The following NVL variants were observed in gnomAD, a reference collection of about 807,000 sequenced individuals.
NVL encodes the protein nuclear valosin-containing protein-like.
In NVL, 84 loss-of-function variants were observed where a neutral mutation model predicts 110.2. The observed-to-expected ratio is 0.76, with a 90% confidence interval of 0.64 to 0.91. The LOEUF is 0.91. NVL is among the 40% of genes least tolerant of loss of function. The pLI, the probability that NVL is intolerant of heterozygous loss-of-function variation, is 0.00. For missense variants in NVL, 882 were observed against 1,035.9 expected, an observed-to-expected ratio of 0.85 and a Z score of 2.04; for synonymous variants, 354 against 361.1, an observed-to-expected ratio of 0.98 and a Z score of 0.22.
At chr1:224,266,482 C>A (rs376806086) in intron 18 of NVL, among the ~76,000 whole-genome samples, 1 of 152,218 alleles carries the variant, frequency 6.6e-6, no homozygotes, top group Non-Finnish European at 1.5e-5. Flanking sequence ...TCTACCCTTT[C>A]GCCTTGGGGT....
chr1:224,268,278 C>CA (rs1236809591), intron 17 of NVL, 145 bp from the exon 18 acceptor site: 5 of 609,720 alleles, frequency 8.2e-6, no homozygotes, highest in African/African-American at 1.9e-5. Context: ...AGACACTGTG[C>CA]AAAATGTGTT....
rs1194466884 is a variant in NVL, at chr1:224,304,822, A to T, written c.749-10T>A. 14 of 1,610,322 alleles carry T rather than the reference A, an allele frequency of 8.7e-6. No homozygotes were observed. The highest frequency in any genetic ancestry group is 2.7e-5 in the African/African-American group (2 of 74,878). ...AACCCCCTGGCTTTAGCTGGTAAAC[A>T]AAAATGAGGAGATGAAAAGATTAAT... On this transcript the variant is annotated splice_polypyrimidine_tract_variant and intron_variant, in intron 7 of 22. Transcript: ENST00000281701.
intron 17 of NVL, among the ~76,000 whole-genome samples, chr1:224,274,701 T>G (rs1665573887): frequency 6.6e-6 from 1 of 152,180 alleles, no homozygotes; most frequent in South Asian, 2.1e-4. Context: ...AGGTTATATA[T>G]TTATTGTTTA....
intron 18 of NVL, among the ~76,000 whole-genome samples, chr1:224,253,912 T>C (rs1472681888): frequency 6.6e-6 from 1 of 152,186 alleles, no homozygotes; most frequent in African/African-American, 2.4e-5. Context: ...GTGCTTACTG[T>C]GGCTTTAATT....
intron 14 of NVL, 48 bp downstream of exon 14, chr1:224,287,727 T>G: frequency 4.0e-6 from 6 of 1,502,722 alleles, no homozygotes; most frequent in Non-Finnish European, 5.5e-6. Flanking sequence ...TTATCTCTGG[T>G]CTTTAATCCA....
intron 15 of NVL, among the ~76,000 whole-genome samples, 193 bp from the exon 16 acceptor site, chr1:224,281,378 G>A (rs1666311044): frequency 6.6e-6 from 1 of 151,518 alleles, no homozygotes; most frequent in Non-Finnish European, 1.5e-5. Flanking sequence ...TCGGCTCACT[G>A]CAAACTCTGC....
intron 19 of NVL, among the ~76,000 whole-genome samples, chr1:224,237,961 C>CAAA (rs200152434): frequency 1.4e-4 from 19 of 135,682 alleles, no homozygotes; most frequent in African/African-American, 4.4e-4. Flanking sequence ...GACTTGGTTT[C>CAAA]AAAAAAAAAA....
intron 19 of NVL, among the ~76,000 whole-genome samples, chr1:224,249,315 G>T (rs1349181110): frequency 3.9e-5 from 6 of 152,100 alleles, no homozygotes; most frequent in Non-Finnish European, 7.4e-5. Flanking sequence ...TGTAGAGATG[G>T]GGTTTCCCCA....
At position 224,325,434 on chromosome 1, in the gene NVL, TA is replaced by T. The variant is rs765287623; in HGVS notation, c.131+956del. 8.9e-3 allele frequency among the ~76,000 whole-genome samples: 1,199 copies of T among 134,096 alleles called. 8 individuals carry two copies. The highest frequency in any genetic ancestry group is 0.022 in the African/African-American group (819 of 36,464). The allele number at this position is 134,096 out of a possible 152,430, so 88.0% of individuals were successfully genotyped here. A position where few individuals can be genotyped will look rare whatever the true frequency, so the allele number is the denominator to read the frequency against. On this transcript the variant is annotated intron_variant, in intron 2 of 22. Transcript: ENST00000281701. Reference sequence around the variant, plus strand: ...AAAAAATAAAAATAAAAACTGTATTTAAAAAAAAAAAAAAAGAGGCTGGGCG... The same window carrying T: ...AAAAAATAAAAATAAAAACTGTATTTAAAAAAAAAAAAAAGAGGCTGGGCG...
intron 1 of NVL, among the ~76,000 whole-genome samples, chr1:224,326,707 G>C (rs1252499205): frequency 6.6e-6 from 1 of 152,138 alleles, no homozygotes; most frequent in Non-Finnish European, 1.5e-5. Flanking sequence ...AAGGCAGTAA[G>C]TGAGGGCTTA....
intron 18 of NVL, among the ~76,000 whole-genome samples, chr1:224,264,431 A>G (rs1664290407): frequency 1.3e-5 from 2 of 151,934 alleles, no homozygotes; most frequent in South Asian, 4.2e-4. Flanking sequence ...TATTATTAGT[A>G]GAGATGGAGC....
chr1:224,274,505 CG>C (rs1188865076), intron 17 of NVL, among the ~76,000 whole-genome samples: 2 of 151,484 alleles, frequency 1.3e-5, no homozygotes, highest in Non-Finnish European at 2.9e-5. Context: ...GGCATGGTGG[CG>C]GGTGCCTGTA....
Position 224,289,521 on chromosome 1 carries a change from T to A in NVL, c.1538A>T (p.Glu513Val). 1.2e-6 allele frequency: 2 copies of A among 1,614,266 alleles called. No homozygotes were observed. The highest frequency in any genetic ancestry group is 1.7e-6 in the Non-Finnish European group (2 of 1,180,040). The change falls in exon 13 of 23, where the codon GAG becomes GTG. Residue 513 changes from glutamate (E) to valine (V), a missense_variant. Coordinates refer to ENST00000281701, the MANE Select transcript of NVL (RefSeq NM_002533.4). ...MEDLPSKGVQ[E>V]ERLGTEPTSE... ...AGTGGGCTCAGTTCCCAGCCTTTCC[T>A]CCTGGACTCCTTTAGATGGCAAATC... is the stretch of plus-strand genomic sequence containing the variant.
chr1:224,301,376 G>A lies in NVL; in HGVS notation c.961-713C>T, dbSNP rs181956181. Among the ~76,000 whole-genome samples the A allele has an allele frequency of 2.0e-3, 306 of 152,106 alleles. 1 individual carries two copies. Among genetic ancestry groups the A allele is most frequent in the African/African-American group, 5.9e-3 (246 of 41,514 alleles). ...CAATTCAGCCTCCCAAAGTGCTGGGGATACAGGAGTGACCATTCCTGGCCT... is the reference window on the plus strand; with the variant it reads ...CAATTCAGCCTCCCAAAGTGCTGGGAATACAGGAGTGACCATTCCTGGCCT... On this transcript the variant is annotated intron_variant, in intron 9 of 22. Coordinates refer to ENST00000281701, the MANE Select transcript of NVL (RefSeq NM_002533.4).
intron 17 of NVL, among the ~76,000 whole-genome samples, chr1:224,274,035 A>AACACACACACACACACACACACAC (rs1224878158): frequency 2.4e-4 from 35 of 145,648 alleles, no homozygotes; most frequent in Admixed American, 3.5e-4. Context: ...ATGACCTAAC[A>AACACACACACACACACACACACAC]ACACACACAC....
At chr1:224,267,252 G>A (rs1057006612) in intron 18 of NVL, among the ~76,000 whole-genome samples, 1 of 152,116 alleles carries the variant, frequency 6.6e-6, no homozygotes, top group Non-Finnish European at 1.5e-5. Flanking sequence ...TAATTATTCA[G>A]GGCAGATATA....
intron 17 of NVL, among the ~76,000 whole-genome samples, chr1:224,275,060 T>C (rs1412507775): frequency 6.6e-6 from 1 of 152,208 alleles, no homozygotes; most frequent in Non-Finnish European, 1.5e-5. Context: ...AGGCAAGCTA[T>C]TTAAAACAAT....
intron 12 of NVL, among the ~76,000 whole-genome samples, chr1:224,292,497 C>T (rs1193896671): frequency 1.3e-5 from 2 of 152,212 alleles, no homozygotes; most frequent in African/African-American, 4.8e-5. Flanking sequence ...AATTTTCCTT[C>T]ACTGGCTCAA....
intron 18 of NVL, among the ~76,000 whole-genome samples, chr1:224,260,794 T>C (rs534413573): frequency 3.7e-4 from 56 of 150,400 alleles, no homozygotes; most frequent in African/African-American, 1.3e-3. Flanking sequence ...CTCAAACTTC[T>C]AGTTTCAAGT....
Sources: gnomAD v4.1 joint callset for allele counts (sites outside exome capture counted in the v4.1 genomes callset) on GRCh38, gnomAD v4.1.1 for gene constraint, MANE v1.5 for transcripts, NCBI Gene and HGNC (gene_info 2026-07-23, HGNC 2026-07-21) for gene names.